NGB: variants seen among roughly 807,000 people sequenced by gnomAD.
The protein encoded by NGB is neuroglobin.
Under a neutral mutation model 17.3 loss-of-function variants are expected in NGB, and 12 were observed. That is an observed-to-expected ratio of 0.69 (90% CI 0.45 to 1.13). The LOEUF (loss-of-function observed/expected upper bound fraction) is 1.13, where lower values mean the gene tolerates loss of function less well. Among genes scored for constraint, NGB ranks in the 50% most tolerant of loss-of-function variants. NGB has a pLI of 0.00. For missense variants in NGB, 195 were observed against 191.7 expected (o/e 1.02, Z -0.10); for synonymous variants, 87 against 81.0 (o/e 1.07, Z -0.40).
At chr14:77,270,032 A>T (rs1296149316) in intron 1 of NGB, among the ~76,000 whole-genome samples, 1 of 151,876 alleles carries the variant, frequency 6.6e-6, no homozygotes, top group Non-Finnish European at 1.5e-5. Flanking sequence ...AGGCAGAAGC[A>T]GAGGCCCTCC....
chr14:77,266,374 TG>T lies in NGB; in HGVS notation c.*161del. On this transcript the variant is annotated 3_prime_UTR_variant, in exon 4 of 4. Coordinates refer to ENST00000298352, the MANE Select transcript of NGB (RefSeq NM_021257.4). ...GAGGAAAAGCCACTCCTTCTGCAGC[TG>T]GACTCTAGGATACTGAGACCCAGCC... The T allele has an allele frequency of 1.0e-6, 1 of 977,218 alleles. No individual in the cohort carries two copies. The highest frequency in any genetic ancestry group is 1.7e-6 in the Non-Finnish European group (1 of 601,622). The allele number at this position is 977,218 out of a possible 1,614,324, so 60.5% of individuals were successfully genotyped here. A position where few individuals can be genotyped will look rare whatever the true frequency, so the allele number is the denominator to read the frequency against.
intron 1 of NGB, among the ~76,000 whole-genome samples, chr14:77,270,031 C>T (rs1889747491): frequency 6.6e-6 from 1 of 151,838 alleles, no homozygotes; most frequent in South Asian, 2.1e-4. Context: ...GAGGCAGAAG[C>T]AGAGGCCCTC....
chr14:77,268,734 T>G, intron 2 of NGB, 149 bp from the exon 3 acceptor site: 1 of 1,071,658 alleles, frequency 9.3e-7, no homozygotes, highest in Non-Finnish European at 1.4e-6. Context: ...AGCCTGTGTC[T>G]ACTACATGTA....
In NGB at chr14:77,269,479, C is replaced by G. The variant is rs1174526893; in HGVS notation, c.90-153G>C. Among the ~76,000 whole-genome samples the G allele has an allele frequency of 3.9e-5, 6 of 152,130 alleles. No individual in the cohort carries two copies. The East Asian group carries it at 7.7e-4, about 20-fold the overall frequency. On this transcript the variant is annotated intron_variant, in intron 1 of 3. Transcript: ENST00000298352. ...CTCCCACCTGGCACTGCTCCCCCGC[C>G]AGCTTCGGTAGTGCCCTCCTCCTCA...
At chr14:77,267,229 T>C (rs1889685681) in intron 3 of NGB, among the ~76,000 whole-genome samples, 1 of 152,220 alleles carries the variant, frequency 6.6e-6, no homozygotes, top group African/African-American at 2.4e-5. Flanking sequence ...TAGCACAGCA[T>C]CTGTATACAG....
chr14:77,268,060 GC>G (rs1285506783), intron 3 of NGB, among the ~76,000 whole-genome samples: 20 of 152,176 alleles, frequency 1.3e-4, no homozygotes, highest in Admixed American at 1.2e-3. Context: ...GGACATTCTA[GC>G]CTCAGTTGAG....
chr14:77,270,934 C>G lies in NGB; in HGVS notation c.4G>C (p.Glu2Gln). The part of the protein sequence containing the change: M[E>Q]RPEPELIRQS... ...CGGATCAGCTCGGGCTCCGGGCGCTCCATGCTGTCCCGGGGACGCGGAGCG... is the reference window on the plus strand; with the variant it reads ...CGGATCAGCTCGGGCTCCGGGCGCTGCATGCTGTCCCGGGGACGCGGAGCG... The change falls in exon 1 of 4, where the codon GAG becomes CAG. Residue 2 changes from glutamate (E) to glutamine (Q), a missense_variant. Coordinates refer to ENST00000298352, the MANE Select transcript of NGB (RefSeq NM_021257.4). 1.3e-6 allele frequency: 2 copies of G among 1,543,076 alleles called. No individual in the cohort carries two copies. Among genetic ancestry groups the G allele is most frequent in the Non-Finnish European group, 1.7e-6 (2 of 1,150,830 alleles).
intron 1 of NGB, 116 bp downstream of exon 1, chr14:77,270,733 C>G: frequency 1.1e-6 from 1 of 935,280 alleles, no homozygotes; most frequent in East Asian, 2.9e-5. Flanking sequence ...CTGGCAGGCG[C>G]CCCAGCGCCC....
At chr14:77,270,483 C>A (rs1401329618) in intron 1 of NGB, among the ~76,000 whole-genome samples, 1 of 152,208 alleles carries the variant, frequency 6.6e-6, no homozygotes, top group African/African-American at 2.4e-5. Context: ...GCGGGGTGCA[C>A]CCCTGCAGTC....
rs2140141451 is a variant in NGB at position 77,265,958 on chromosome 14, C to T, written c.*578G>A. Reference sequence around the variant, plus strand: ...CACAGCCCGCGAGACTCAAATGAGACCCATTGAGACCCAGGTCCCCCTTCC... The same window carrying T: ...CACAGCCCGCGAGACTCAAATGAGATCCATTGAGACCCAGGTCCCCCTTCC... On this transcript the variant is annotated 3_prime_UTR_variant, in exon 4 of 4. Transcript: ENST00000298352. The surrounding 1 kb of genome is among the most constrained non-coding windows in gnomAD (Gnocchi z 4.7). The T allele has an allele frequency of 3.6e-6, 1 of 274,634 alleles. No homozygotes were observed. Among genetic ancestry groups the T allele is most frequent in the South Asian group, 3.8e-5 (1 of 26,142 alleles). 17.0% of individuals were successfully genotyped at this position (274,634 alleles called of 1,614,324 possible). A position where few individuals can be genotyped will look rare whatever the true frequency, so the allele number is the denominator to read the frequency against.
In NGB at chr14:77,268,553, A is replaced by G; in HGVS notation, c.234T>C (p.Asn78=). 1 of 1,613,958 alleles carries G rather than the reference A, an allele frequency of 6.2e-7. No individual in the cohort carries two copies. Among genetic ancestry groups the G allele is most frequent in the Non-Finnish European group, 8.5e-7 (1 of 1,179,998 alleles). Residue 78 remains asparagine (N), a synonymous_variant, in exon 3 of 4, where the codon AAT becomes AAC. Transcript: ENST00000298352. ...VMLVIDAAVT[N]VEDLSSLEEY... Reference sequence around the variant, plus strand: ...CCTCCAGTGAGGACAGGTCTTCCACATTGGTCACTGCAGCATCAATCACGA... The same window carrying G: ...CCTCCAGTGAGGACAGGTCTTCCACGTTGGTCACTGCAGCATCAATCACGA...
chr14:77,270,518 C>G (rs1889757805), intron 1 of NGB, among the ~76,000 whole-genome samples: 1 of 152,232 alleles, frequency 6.6e-6, no homozygotes, highest in African/African-American at 2.4e-5. Flanking sequence ...ACGCAGGAGG[C>G]ACAAGGCGGG....
intron 3 of NGB, 141 bp from the exon 4 acceptor site, chr14:77,266,811 G>T: frequency 2.2e-6 from 2 of 890,074 alleles, no homozygotes; most frequent in Non-Finnish European, 3.4e-6. Flanking sequence ...TGCTTCCTGA[G>T]CAGGGTCCTA....
At chr14:77,270,460 C>T (rs551883913) in intron 1 of NGB, among the ~76,000 whole-genome samples, 3 of 152,360 alleles carry the variant, frequency 2.0e-5, no homozygotes, top group Non-Finnish European at 4.4e-5. Context: ...ACCCCAGTAC[C>T]CTGATACCGG....
rs1168729461 is a variant in NGB at position 77,268,468 on chromosome 14, A to G, written c.319T>C (p.Ser107Pro). The change falls in exon 3 of 4, where the codon TCG becomes CCG. Residue 107 changes from serine (S) to proline (P), a missense_variant and splice_region_variant. Physicochemically the swap from Ser to Pro is moderately conservative, Grantham distance 74 (BLOSUM62 -1). Transcript: ENST00000298352. The stretch of plus-strand genomic sequence containing the variant: ...AGAGTCAGAGCTCCTTTACCCACCG[A>G]GAAGGAGCTGAGCTTCACACCCACT... ...RAVGVKLSSF[S>P]TVGESLLYML... The G allele has an allele frequency of 1.2e-6, 2 of 1,612,064 alleles. No individual in the cohort carries two copies. Among genetic ancestry groups the G allele is most frequent in the Non-Finnish European group, 1.7e-6 (2 of 1,179,950 alleles).
Position 77,266,347 on chromosome 14 carries a change from TG to T in NGB, c.*188del. ...GAGGGGACACCCAGAAGCCCCTTCC[TG>T]GAGGAAAAGCCACTCCTTCTGCAGC... is the stretch of plus-strand genomic sequence containing the variant. On this transcript the variant is annotated 3_prime_UTR_variant, in exon 4 of 4. Coordinates refer to ENST00000298352, the MANE Select transcript of NGB (RefSeq NM_021257.4). The T allele has an allele frequency of 1.2e-6, 1 of 844,548 alleles. No homozygotes were observed. Among genetic ancestry groups the T allele is most frequent in the Non-Finnish European group, 2.1e-6 (1 of 478,790 alleles). The allele number at this position is 844,548 out of a possible 1,614,324, so 52.3% of individuals were successfully genotyped here. A position where few individuals can be genotyped will look rare whatever the true frequency, so the allele number is the denominator to read the frequency against.
rs1889671379 is a variant in NGB at position 77,266,462 on chromosome 14, G to A, written c.*74C>T. 9 of 1,567,332 alleles carry A rather than the reference G, an allele frequency of 5.7e-6. No individual in the cohort carries two copies. The highest frequency in any genetic ancestry group is 7.8e-6 in the Non-Finnish European group (9 of 1,152,216). ...AGGACCAAGATGCAGGGAAGCTTGG[G>A]GAGCCTGGGCTACAACAGATACAGG... On this transcript the variant is annotated 3_prime_UTR_variant, in exon 4 of 4. Coordinates refer to ENST00000298352, the MANE Select transcript of NGB (RefSeq NM_021257.4).
chr14:77,270,677 AG>A (rs975902184), intron 1 of NGB, among the ~76,000 whole-genome samples, 171 bp downstream of exon 1: 2 of 152,198 alleles, frequency 1.3e-5, no homozygotes, highest in Non-Finnish European at 2.9e-5. Context: ...AGAGAGGCAG[AG>A]GGGCTGTGCC....
At chr14:77,268,659 A>G in intron 2 of NGB, 74 bp from the exon 3 acceptor site, 2 of 1,586,736 alleles carry the variant, frequency 1.3e-6, no homozygotes, top group South Asian at 2.3e-5. Context: ...AGCCCAAGGC[A>G]TGAGGGTCCC....
Sources: allele counts gnomAD v4.1 joint callset (sites outside exome capture counted in the v4.1 genomes callset), GRCh38; gene constraint gnomAD v4.1.1; non-coding constraint Gnocchi (gnomAD v3.1); transcripts MANE v1.5; gene names NCBI Gene and HGNC (gene_info 2026-07-23, HGNC 2026-07-21).